CCDC171: variants seen among roughly 807,000 people sequenced by gnomAD.
CCDC171 encodes coiled-coil domain containing 171.
A neutral mutation model predicts 168.2 loss-of-function variants in CCDC171; 177 were observed. That is an observed-to-expected ratio of 1.05 (90% confidence interval 0.93 to 1.19). The LOEUF is 1.19. CCDC171 is among the 50% of genes most tolerant of loss of function. CCDC171 has a pLI of 0.00. For synonymous variants in CCDC171, 687 were observed against 540.8 expected, an observed-to-expected ratio of 1.27 and a Z score of -3.75; for missense variants, 1,991 against 1,539.0, an observed-to-expected ratio of 1.29 and a Z score of -4.91.
intron 8 of CCDC171, among the ~76,000 whole-genome samples, chr9:15,665,413 T>A (rs773977429): frequency 1.3e-5 from 2 of 152,218 alleles, no homozygotes; most frequent in Non-Finnish European, 2.9e-5. Context: ...AAAGATCTGT[T>A]AAATTTCTTA....
chr9:15,885,689 G>A lies in CCDC171; in HGVS notation c.3600+11026G>A, dbSNP rs148091927. On this transcript the variant is annotated intron_variant, in intron 24 of 25. Coordinates refer to ENST00000380701, the MANE Select transcript of CCDC171 (RefSeq NM_173550.4). ...TCTTTGCATAATGCCTTGAAATGAA[G>A]ACTGATGAAGTTCTTCAAATTGATG... 2.0e-5 allele frequency: 3 copies of A among 152,252 alleles called. No homozygotes were observed. In the East Asian group the frequency reaches 5.8e-4, roughly 29 times the overall value. The allele number at this position is 152,252 out of a possible 1,614,324, so 9.4% of individuals were successfully genotyped here. A position where few individuals can be genotyped will look rare whatever the true frequency, so the allele number is the denominator to read the frequency against.
chr9:16,086,652 T>G, the CCDC171 span, among the ~76,000 whole-genome samples: 1 of 152,196 alleles, frequency 6.6e-6, no homozygotes, highest in Non-Finnish European at 1.5e-5. Context: ...GTTAATATTT[T>G]AAGAAAAAAC....
chr9:15,800,408 T>C (rs2058763961), intron 21 of CCDC171, among the ~76,000 whole-genome samples: 1 of 152,172 alleles, frequency 6.6e-6, no homozygotes, highest in South Asian at 2.1e-4. Flanking sequence ...TTTGTATGTC[T>C]TCTTTTAAAA....
chr9:15,729,655 A>G lies in CCDC171; in HGVS notation c.1906A>G (p.Arg636Gly). ...YICKNKSDTM[R>G]ELQQTQEDTF... ...CTGTAAAAACAAGTCTGACACGATG[A>G]GAGAGCTTCAGCAGACTCAGGAAGA... The change falls in exon 16 of 26, where the codon AGA (arginine) becomes GGA (glycine). Residue 636 changes from arginine to glycine, a missense_variant. By Grantham distance (125) the Arg-to-Gly change is moderately radical. Coordinates refer to ENST00000380701, the MANE Select transcript of CCDC171 (RefSeq NM_173550.4). 1 of 1,613,184 alleles carries G rather than the reference A, an allele frequency of 6.2e-7. No homozygotes were observed.
chr9:16,028,457 C>T lies in CCDC171; in HGVS notation n.998+5549C>T, dbSNP rs576064384. Among the ~76,000 whole-genome samples the T allele has an allele frequency of 3.6e-4, 55 of 152,262 alleles. 3 individuals are homozygous for T. In the South Asian group the frequency reaches 0.01, roughly 29 times the overall value. ...CAGATAAAGTCTAGTACAAAAGGAG[C>T]TACAGTCAGGGTTACCAGATGAAAT... On this transcript the variant is annotated intron_variant and non_coding_transcript_variant, in intron 6 of 9. Coordinates refer to the CCDC171 transcript ENST00000486641.
At chr9:15,835,499 C>T (rs1352630862) in intron 21 of CCDC171, among the ~76,000 whole-genome samples, 1 of 152,172 alleles carries the variant, frequency 6.6e-6, no homozygotes, top group Non-Finnish European at 1.5e-5. Context: ...GTGATCTCGG[C>T]TCACTGCAAC....
rs920429397 is a variant in CCDC171 at position 15,947,815 on chromosome 9, A to AT, written c.3754-23787dup. Among the ~76,000 whole-genome samples the AT allele has an allele frequency of 8.8e-4, 131 of 149,676 alleles. 1 individual carries two copies. Among genetic ancestry groups the AT allele is most frequent in the African/African-American group, 2.5e-3 (101 of 40,360 alleles). On this transcript the variant is annotated intron_variant, in intron 25 of 25. Transcript: ENST00000380701. ...CAAGTATGCTTCCATATTTTTTTTA[A>AT]TTTTTTTATTTTTTTTTAATTTATT... is the stretch of plus-strand genomic sequence containing the variant.
rs1244280526 is a variant in CCDC171 at position 15,729,806 on chromosome 9, A to G, written c.2049+8A>G. ...GTGCAGAAGAGGGCACAGGTATGCT[A>G]CCTTTACAAAGAGCTTTAAAAAATG... On this transcript the variant is annotated splice_region_variant and intron_variant, in intron 16 of 25. Coordinates refer to ENST00000380701, the MANE Select transcript of CCDC171 (RefSeq NM_173550.4). 5.6e-6 allele frequency: 9 copies of G among 1,593,082 alleles called. No homozygotes were observed. Among genetic ancestry groups the G allele is most frequent in the Non-Finnish European group, 6.0e-6 (7 of 1,168,916 alleles).
intron 23 of CCDC171, among the ~76,000 whole-genome samples, chr9:15,865,774 G>A (rs2061753365): frequency 6.6e-6 from 1 of 151,536 alleles, no homozygotes; most frequent in Admixed American, 6.6e-5. Flanking sequence ...GGAGTCAGAA[G>A]TTACACATGG....
chr9:15,575,799 T>G (rs1299145757), intron 3 of CCDC171, among the ~76,000 whole-genome samples: 1 of 152,168 alleles, frequency 6.6e-6, no homozygotes, highest in Admixed American at 6.5e-5. Flanking sequence ...ATTTTAGAAA[T>G]TATAGTTACA....
intron 25 of CCDC171, among the ~76,000 whole-genome samples, chr9:15,961,884 C>G (rs1322897840): frequency 6.6e-6 from 1 of 152,138 alleles, no homozygotes; most frequent in Non-Finnish European, 1.5e-5. Context: ...ACAAAACAAG[C>G]ACCATATGTA....
intron 21 of CCDC171, among the ~76,000 whole-genome samples, chr9:15,824,506 C>A (rs1230087219): frequency 6.6e-6 from 1 of 151,828 alleles, no homozygotes; most frequent in Non-Finnish European, 1.5e-5. Context: ...GTATGCTGCC[C>A]CCAGGTGTTG....
rs1172407585 is a variant in CCDC171 at position 15,695,335 on chromosome 9, C to T, written c.1316C>T (p.Ser439Leu). ...DSFTVSGQWT[S>L]GIHKDKDKPP... is the part of the protein sequence containing the mutation. ...TTTACTGTGTCGGGCCAGTGGACAT[C>T]AGGTTAGTTGAAGGTATAAAATGAC... Residue 439 changes from serine to leucine, a missense_variant and splice_region_variant, in exon 11 of 26, where the codon TCA becomes TTA. Transcript: ENST00000380701. 4 of 1,611,340 alleles carry T rather than the reference C, an allele frequency of 2.5e-6. No homozygotes were observed. The highest frequency in any genetic ancestry group is 1.3e-5 in the African/African-American group (1 of 74,866).
chr9:15,629,675 A>T (rs1190214339), intron 7 of CCDC171, among the ~76,000 whole-genome samples: 1 of 152,198 alleles, frequency 6.6e-6, no homozygotes, highest in Non-Finnish European at 1.5e-5. Context: ...AAATACAGAG[A>T]ACGCCACAAA....
chr9:15,934,515 C>T (rs1229789598), intron 25 of CCDC171, among the ~76,000 whole-genome samples: 1 of 151,880 alleles, frequency 6.6e-6, no homozygotes, highest in African/African-American at 2.4e-5. Flanking sequence ...AGATAACAAG[C>T]ATTGCAAGGA....
At chr9:16,063,778 C>T (rs1833961871), downstream of CCDC171, among the ~76,000 whole-genome samples, 1 of 152,184 alleles carries the variant, frequency 6.6e-6, no homozygotes, top group Non-Finnish European at 1.5e-5. Flanking sequence ...TCAAAACCGT[C>T]AAATGCAAAG....
chr9:15,985,272 A>C (rs1000825391), intron 3 of CCDC171, among the ~76,000 whole-genome samples: 2 of 152,132 alleles, frequency 1.3e-5, no homozygotes, highest in Non-Finnish European at 2.9e-5. Context: ...TTTTGGACCA[A>C]TCATACAAAT....
chr9:15,628,166 G>T (rs1351757948), intron 7 of CCDC171, among the ~76,000 whole-genome samples: 1 of 152,138 alleles, frequency 6.6e-6, no homozygotes, highest in African/African-American at 2.4e-5. Context: ...GGGAGTGCCA[G>T]ACAGTGGGCG....
intron 7 of CCDC171, among the ~76,000 whole-genome samples, chr9:15,640,071 A>G (rs920379354): frequency 3.3e-5 from 5 of 152,166 alleles, no homozygotes; most frequent in Admixed American, 6.5e-5. Context: ...TAGTTGACCT[A>G]TATAGTAAAA....
Sources: gnomAD v4.1 joint callset for allele counts (sites outside exome capture counted in the v4.1 genomes callset) on GRCh38, gnomAD v4.1.1 for gene constraint, MANE v1.5 for transcripts, NCBI Gene and HGNC (gene_info 2026-07-23, HGNC 2026-07-21) for gene names.